The following KIAA1671 variants were observed in gnomAD, a reference collection of about 807,000 sequenced individuals.
KIAA1671 encodes the protein KIAA1671.
KIAA1671 carries 52 observed loss-of-function variants against 131.2 expected under a neutral mutation model. That is an observed-to-expected ratio of 0.40 (90% CI 0.32 to 0.50). The LOEUF is 0.50. Ranked by LOEUF, KIAA1671 falls within the 20% of genes least tolerant of loss-of-function variation. KIAA1671 has a pLI of 0.73. For missense variants in KIAA1671, 2,360 were observed against 2,364.2 expected (o/e 1.00, Z 0.04); for synonymous variants, 1,003 against 961.6 (o/e 1.04, Z -0.80).
intron 1 of KIAA1671, among the ~76,000 whole-genome samples, chr22:24,972,150 A>C (rs547889198): frequency 1.1e-3 from 174 of 152,368 alleles, no homozygotes; most frequent in Admixed American, 2.4e-3. Flanking sequence ...GCAGACCAAC[A>C]TTATGCAAAA....
chr22:25,019,872 A>G (rs1925568318), intron 1 of KIAA1671, among the ~76,000 whole-genome samples: 3 of 152,130 alleles, frequency 2.0e-5, no homozygotes, highest in Admixed American at 6.6e-5. Context: ...GCAGGCTGGG[A>G]ATTGGAGGTC....
intron 6 of KIAA1671, among the ~76,000 whole-genome samples, chr22:25,158,842 A>G (rs1933336600): frequency 6.6e-6 from 1 of 152,190 alleles, no homozygotes; most frequent in Non-Finnish European, 1.5e-5. Flanking sequence ...AGTGTCTGCT[A>G]TTGTTACTAT....
chr22:25,179,953 G>T (rs1412802905), intron 9 of KIAA1671, among the ~76,000 whole-genome samples: 1 of 152,218 alleles, frequency 6.6e-6, no homozygotes, highest in African/African-American at 2.4e-5. Flanking sequence ...GAATCTTGAA[G>T]AATGGATAAT....
In KIAA1671 at chr22:25,038,853, A is replaced by G; in HGVS notation, c.1723A>G (p.Lys575Glu). ...GGATAAGTCCAGGCAGACGGAGCAG[A>G]AGGTTAGCTCTAACCAAGACCCCGA... ...LRDKSRQTEQ[K>E]VSSNQDPDSC... The change falls in exon 5 of 13, where the codon AAG becomes GAG. Residue 575 changes from lysine to glutamate, a missense_variant. Physicochemically the swap from Lys to Glu is moderately conservative, Grantham distance 56 (BLOSUM62 1). Transcript: ENST00000358431. 6.4e-7 allele frequency: 1 copy of G among 1,551,738 alleles called. No individual in the cohort carries two copies. The highest frequency in any genetic ancestry group is 8.7e-7 in the Non-Finnish European group (1 of 1,147,004).
At chr22:24,959,590 T>A (rs201308451) in intron 1 of KIAA1671, among the ~76,000 whole-genome samples, 10 of 149,920 alleles carry the variant, frequency 6.7e-5, no homozygotes, top group African/African-American at 2.2e-4. Flanking sequence ...ATATATATAT[T>A]TTTTCCTTCA....
chr22:25,108,990 G>C (rs1398404785), intron 6 of KIAA1671, among the ~76,000 whole-genome samples: 1 of 152,152 alleles, frequency 6.6e-6, no homozygotes, highest in African/African-American at 2.4e-5. Flanking sequence ...GTGGGTTTCT[G>C]TGTGTGACTG....
At chr22:25,113,120 A>G (rs537371289) in intron 6 of KIAA1671, among the ~76,000 whole-genome samples, 1 of 152,320 alleles carries the variant, frequency 6.6e-6, no homozygotes, top group South Asian at 2.1e-4. Context: ...GCGACAGTGC[A>G]GAAACAATCG....
chr22:25,132,687 C>T (rs1932497180), intron 6 of KIAA1671, among the ~76,000 whole-genome samples: 1 of 152,170 alleles, frequency 6.6e-6, no homozygotes, highest in South Asian at 2.1e-4. Flanking sequence ...TGTCTCTCTA[C>T]TGAAGATCCC....
intron 6 of KIAA1671, among the ~76,000 whole-genome samples, chr22:25,068,086 C>T (rs573723398): frequency 3.3e-5 from 5 of 152,072 alleles, no homozygotes; most frequent in South Asian, 4.2e-4. Context: ...TGGGGCTGTC[C>T]TCTGACTGGT....
At chr22:25,168,940 C>T (rs527407091) in intron 6 of KIAA1671, among the ~76,000 whole-genome samples, 2 of 152,106 alleles carry the variant, frequency 1.3e-5, no homozygotes, top group Admixed American at 6.5e-5. Flanking sequence ...TGGATTTCTA[C>T]GTGAGGACAA....
chr22:25,027,878 C>T (rs1365097219), intron 2 of KIAA1671, 67 bp from the exon 3 acceptor site: 5 of 780,642 alleles, frequency 6.4e-6, no homozygotes, highest in Non-Finnish European at 1.0e-5. Flanking sequence ...TTCTCTAAAC[C>T]ATTCTGCTTC....
chr22:25,179,479 C>T, intron 9 of KIAA1671: 2 of 1,613,090 alleles, frequency 1.2e-6, no homozygotes, highest in South Asian at 2.2e-5. Context: ...TGTTATTCTC[C>T]TCCAGCGCCT....
intron 1 of KIAA1671, among the ~76,000 whole-genome samples, chr22:25,015,467 G>A (rs1416424099): frequency 1.3e-5 from 2 of 152,220 alleles, no homozygotes; most frequent in East Asian, 3.9e-4. Flanking sequence ...TTGTAGGAAG[G>A]AACAAGCCAA....
intron 6 of KIAA1671, among the ~76,000 whole-genome samples, chr22:25,093,816 C>CTG (rs1930235391): frequency 1.1e-5 from 1 of 93,094 alleles, no homozygotes; most frequent in Non-Finnish European, 2.1e-5. Flanking sequence ...CTCTCTGTCT[C>CTG]TCTCTCTTTC....
chr22:24,999,616 G>A (rs1221113474), intron 1 of KIAA1671, among the ~76,000 whole-genome samples: 1 of 151,518 alleles, frequency 6.6e-6, no homozygotes. Context: ...AGGCTGGAGT[G>A]CAGTGGTGCG....
At chr22:25,032,491 A>C (rs1352110910) in intron 3 of KIAA1671, 118 bp from the exon 4 acceptor site, 16 of 563,172 alleles carry the variant, frequency 2.8e-5, no homozygotes, top group African/African-American at 1.7e-4. Context: ...TCCTTTTGGT[A>C]AGTGGAAAGG....
chr22:25,127,602 C>A (rs943760026), intron 6 of KIAA1671, among the ~76,000 whole-genome samples: 32 of 151,916 alleles, frequency 2.1e-4, no homozygotes, highest in African/African-American at 7.3e-4. Flanking sequence ...ACTTGATGAT[C>A]AAAGCATATT....
At chr22:25,103,417 C>T (rs578184251) in intron 6 of KIAA1671, among the ~76,000 whole-genome samples, 1 of 151,802 alleles carries the variant, frequency 6.6e-6, no homozygotes, top group Admixed American at 6.6e-5. Context: ...GGAGGGCAGT[C>T]GTGTGATCTC....
intron 6 of KIAA1671, among the ~76,000 whole-genome samples, chr22:25,070,973 A>G (rs1397544706): frequency 1.3e-5 from 2 of 152,246 alleles, no homozygotes; most frequent in Non-Finnish European, 1.5e-5. Context: ...TGCCAAAGTC[A>G]GGGAAGCTGT....
Sources: allele counts gnomAD v4.1 joint callset (sites outside exome capture counted in the v4.1 genomes callset), GRCh38; gene constraint gnomAD v4.1.1; transcripts MANE v1.5; gene names NCBI Gene and HGNC (gene_info 2026-07-23, HGNC 2026-07-21).